The following ADGRB3 variants were observed in gnomAD, a reference collection of about 807,000 sequenced individuals.
The protein encoded by ADGRB3 is adhesion G protein-coupled receptor B3, also known as brain-specific angiogenesis inhibitor 3.
A neutral mutation model predicts 193.4 loss-of-function variants in ADGRB3; 37 were observed. The observed-to-expected ratio is 0.19, with a 90% CI of 0.15 to 0.25. The LOEUF (loss-of-function observed/expected upper bound fraction) is 0.25. ADGRB3 is among the 10% of genes least tolerant of loss of function. The pLI is 1.00. For missense variants in ADGRB3, 1,637 were observed against 1,852.9 expected, an observed-to-expected ratio of 0.88 and a Z score of 2.14; for synonymous variants, 690 against 644.2, an observed-to-expected ratio of 1.07 and a Z score of -1.08.
intron 8 of ADGRB3, among the ~76,000 whole-genome samples, chr6:68,968,369 A>G (rs1768453479): frequency 6.6e-6 from 1 of 152,252 alleles, no homozygotes; most frequent in East Asian, 1.9e-4. Flanking sequence ...ACTTTCTGAT[A>G]CCCCGACAGG....
At chr6:69,213,210 T>A (rs939612052) in intron 17 of ADGRB3, among the ~76,000 whole-genome samples, 3 of 152,162 alleles carry the variant, frequency 2.0e-5, no homozygotes, top group African/African-American at 4.8e-5. Context: ...TGAATGTAAT[T>A]TTCTTCCCTA....
intron 13 of ADGRB3, among the ~76,000 whole-genome samples, chr6:69,030,988 T>C (rs1328085232): frequency 4.2e-5 from 5 of 119,524 alleles, no homozygotes; most frequent in Non-Finnish European, 8.9e-5. Context: ...TTTCTTTTCT[T>C]TTCTTTCTTT....
At chr6:68,766,307 T>G (rs1766507180) in intron 3 of ADGRB3, among the ~76,000 whole-genome samples, 1 of 152,036 alleles carries the variant, frequency 6.6e-6, no homozygotes, top group Non-Finnish European at 1.5e-5. Flanking sequence ...ATTTTTATTT[T>G]TTGGTTAAAC....
chr6:68,667,871 A>C (rs1768841227), intron 3 of ADGRB3, among the ~76,000 whole-genome samples: 1 of 151,858 alleles, frequency 6.6e-6, no homozygotes, highest in African/African-American at 2.4e-5. Context: ...AAGAGACCAC[A>C]GGAGAGAGGC....
chr6:69,215,438 C>CA (rs1178462262), intron 17 of ADGRB3, among the ~76,000 whole-genome samples: 4 of 147,754 alleles, frequency 2.7e-5, no homozygotes, highest in Admixed American at 6.8e-5. Context: ...GAAAAGATGA[C>CA]AAAATGAACA....
chr6:69,352,161 A>G (rs1410528233), intron 26 of ADGRB3, among the ~76,000 whole-genome samples: 1 of 152,216 alleles, frequency 6.6e-6, no homozygotes, highest in Non-Finnish European at 1.5e-5. Flanking sequence ...TAATAGAAAA[A>G]GTAATGATCT....
rs542169340 is a variant in ADGRB3 at position 69,033,244 on chromosome 6, T to C, written c.2107+14745T>C. Among the ~76,000 whole-genome samples, 280 of 152,280 alleles carry C rather than the reference T, an allele frequency of 1.8e-3. 1 individual carries two copies. Among genetic ancestry groups the C allele is most frequent in the African/African-American group, 6.6e-3 (273 of 41,552 alleles). On this transcript the variant is annotated intron_variant, in intron 13 of 31. Transcript: ENST00000370598. Reference sequence around the variant, plus strand: ...TGAAGATTTCAATGGCATTTGGCATTTTGCTATCTTAAAAAGCTATTCTTC... The same window carrying C: ...TGAAGATTTCAATGGCATTTGGCATCTTGCTATCTTAAAAAGCTATTCTTC...
intron 5 of ADGRB3, among the ~76,000 whole-genome samples, chr6:68,943,622 GA>G (rs1426898094): frequency 1.3e-5 from 2 of 151,998 alleles, no homozygotes; most frequent in Non-Finnish European, 2.9e-5. Context: ...TTCAAATGTA[GA>G]AAAAAGCACA....
intron 17 of ADGRB3, among the ~76,000 whole-genome samples, chr6:69,207,025 G>A (rs1222884886): frequency 6.6e-6 from 1 of 152,170 alleles, no homozygotes; most frequent in Admixed American, 6.5e-5. Flanking sequence ...GACCTCCACT[G>A]TGGAGTAGTA....
intron 20 of ADGRB3, among the ~76,000 whole-genome samples, chr6:69,316,397 A>G (rs1484864228): frequency 1.3e-5 from 2 of 151,562 alleles, no homozygotes; most frequent in Non-Finnish European, 3.0e-5. Context: ...TGTATTTCTT[A>G]AAAGGTATGA....
In ADGRB3 at chr6:68,799,811, A is replaced by G. The variant is rs542681083; in HGVS notation, c.758-130748A>G. Among the ~76,000 whole-genome samples the G allele has an allele frequency of 6.5e-4, 99 of 152,316 alleles. No homozygotes were observed. The South Asian group carries it at 7.0e-3, about 11-fold the overall frequency. ...GAAAAATGTTCTAAACAGAGAGAAA[A>G]ATAACTATGCACACCATGAAATAGG... On this transcript the variant is annotated intron_variant, in intron 3 of 31. Coordinates refer to ENST00000370598, the MANE Select transcript of ADGRB3 (RefSeq NM_001704.3).
intron 3 of ADGRB3, among the ~76,000 whole-genome samples, chr6:68,727,336 A>C (rs1388218517): frequency 6.6e-6 from 1 of 151,678 alleles, no homozygotes; most frequent in Non-Finnish European, 1.5e-5. Context: ...ACTTTTGGAA[A>C]AATAATTTAA....
chr6:68,993,421 T>C (rs117912363), intron 10 of ADGRB3, among the ~76,000 whole-genome samples: 1 of 152,318 alleles, frequency 6.6e-6, no homozygotes, highest in East Asian at 1.9e-4. Context: ...CACACCTTAC[T>C]AAACAGTCCC....
intron 3 of ADGRB3, among the ~76,000 whole-genome samples, chr6:68,762,520 G>T (rs1013511647): frequency 5.5e-4 from 84 of 151,620 alleles, no homozygotes; most frequent in Non-Finnish European, 8.8e-5. Flanking sequence ...AGTGATAGAG[G>T]TGACCAAATA....
At chr6:68,932,802 AAAT>A (rs552897151) in intron 4 of ADGRB3, among the ~76,000 whole-genome samples, 17 of 151,530 alleles carry the variant, frequency 1.1e-4, no homozygotes, top group South Asian at 2.1e-4. Flanking sequence ...ACATACATTT[AAAT>A]AATAATAAAA....
At chr6:69,095,582 A>T (rs572826539) in intron 17 of ADGRB3, among the ~76,000 whole-genome samples, 40 of 152,200 alleles carry the variant, frequency 2.6e-4, no homozygotes, top group African/African-American at 8.9e-4. Flanking sequence ...TTAGCAATGT[A>T]AGATTTTTCC....
intron 3 of ADGRB3, among the ~76,000 whole-genome samples, chr6:68,904,740 G>T (rs1766495657): frequency 6.6e-6 from 1 of 152,054 alleles, no homozygotes; most frequent in South Asian, 2.1e-4. Flanking sequence ...TGTTTCCATG[G>T]AGATGCTTCT....
intron 3 of ADGRB3, among the ~76,000 whole-genome samples, chr6:68,694,378 A>T (rs1007621097): frequency 6.6e-6 from 1 of 152,028 alleles, no homozygotes; most frequent in Admixed American, 6.6e-5. Flanking sequence ...AGTGGCAGAA[A>T]CCTAACTTAA....
At position 69,155,542 on chromosome 6, in the gene ADGRB3, T is replaced by C. The variant is rs537182123; in HGVS notation, c.2481-77748T>C. ...GATTATTACAAAGTTTACCCAATAG[T>C]ATTTTTAAAGGATAAAGGATTACTA... On this transcript the variant is annotated intron_variant, in intron 17 of 31. Coordinates refer to ENST00000370598, the MANE Select transcript of ADGRB3 (RefSeq NM_001704.3). Among the ~76,000 whole-genome samples, 7 of 152,322 alleles carry C rather than the reference T, an allele frequency of 4.6e-5. No homozygotes were observed. The South Asian group carries it at 1.2e-3, about 27-fold the overall frequency.
Sources: allele counts gnomAD v4.1 joint callset (sites outside exome capture counted in the v4.1 genomes callset), GRCh38; gene constraint gnomAD v4.1.1; transcripts MANE v1.5; gene names NCBI Gene and HGNC (gene_info 2026-07-23, HGNC 2026-07-21).